Variants in ROR2 observed in about 807,000 individuals in gnomAD.
The protein encoded by ROR2 is ROR family WNT receptor 2.
Under a neutral mutation model 74.9 loss-of-function variants are expected in ROR2, and 33 were observed. The ratio of observed to expected loss-of-function variants is 0.44; its 90% CI spans 0.33 to 0.59. The LOEUF (loss-of-function observed/expected upper bound fraction) is 0.59, where lower values mean the gene tolerates loss of function less well. Among genes scored for constraint, ROR2 ranks in the 20% least tolerant of loss-of-function variants. ROR2 has a pLI of 0.02. For synonymous variants in ROR2, 586 were observed against 558.7 expected (o/e 1.05, Z -0.69); for missense variants, 1,216 against 1,313.8 (o/e 0.93, Z 1.15).
intron 7 of ROR2, 116 bp from the exon 8 acceptor site, chr9:91,726,859 C>A: frequency 1.1e-6 from 1 of 941,396 alleles, no homozygotes; most frequent in South Asian, 1.4e-5. Flanking sequence ...TGTGTCATCA[C>A]CTAAGTTACA....
intron 1 of ROR2, among the ~76,000 whole-genome samples, chr9:91,899,200 G>A (rs148272605): frequency 5.6e-4 from 86 of 152,340 alleles, no homozygotes; most frequent in African/African-American, 2.0e-3. Flanking sequence ...CAGAGCAGGA[G>A]TGTATCTTGG....
At chr9:91,760,228 C>G (rs1468480016) in intron 2 of ROR2, among the ~76,000 whole-genome samples, 1 of 152,230 alleles carries the variant, frequency 6.6e-6, no homozygotes, top group Non-Finnish European at 1.5e-5. Flanking sequence ...AAAACAAGCT[C>G]TATTCACTTC....
At chr9:91,725,293 C>T (rs1277676057) in intron 8 of ROR2, among the ~76,000 whole-genome samples, 186 bp from the exon 9 acceptor site, 5 of 152,080 alleles carry the variant, frequency 3.3e-5, no homozygotes, top group Non-Finnish European at 7.4e-5. Flanking sequence ...ACCTTAAATA[C>T]GGCTCTGATG....
chr9:91,862,738 C>G (rs1471974207), intron 1 of ROR2, among the ~76,000 whole-genome samples: 2 of 152,202 alleles, frequency 1.3e-5, no homozygotes, highest in Non-Finnish European at 2.9e-5. Flanking sequence ...AGCAAGAAGG[C>G]AGCCCTGAAA....
chr9:91,941,293 G>A (rs763842342), intron 1 of ROR2, among the ~76,000 whole-genome samples: 7 of 152,176 alleles, frequency 4.6e-5, no homozygotes, highest in African/African-American at 1.2e-4. Flanking sequence ...CACCGTGCCC[G>A]GCCTTAATTC....
chr9:91,765,228 A>G (rs953393402), intron 2 of ROR2, among the ~76,000 whole-genome samples: 2 of 152,242 alleles, frequency 1.3e-5, no homozygotes, highest in Admixed American at 6.5e-5. Flanking sequence ...AGCTGTGTGC[A>G]TCTACCCTGT....
At chr9:91,920,658 G>A (rs1831240260) in intron 1 of ROR2, among the ~76,000 whole-genome samples, 1 of 152,148 alleles carries the variant, frequency 6.6e-6, no homozygotes, top group South Asian at 2.1e-4. Context: ...GTGCTTCCAG[G>A]CACTTGGGAG....
chr9:91,902,937 C>T (rs1449963721), intron 1 of ROR2, among the ~76,000 whole-genome samples: 1 of 151,890 alleles, frequency 6.6e-6, no homozygotes, highest in African/African-American at 2.4e-5. Context: ...GAATCGGTGG[C>T]TGCCAGGGTC....
chr9:91,786,419 A>G (rs1435193417), intron 1 of ROR2, among the ~76,000 whole-genome samples: 1 of 152,152 alleles, frequency 6.6e-6, no homozygotes, highest in Admixed American at 6.6e-5. Context: ...CCAGAGTGGC[A>G]GAGTGATATC....
intron 1 of ROR2, among the ~76,000 whole-genome samples, chr9:91,885,517 G>T (rs1313230698): frequency 1.3e-5 from 2 of 152,186 alleles, no homozygotes; most frequent in East Asian, 3.9e-4. Flanking sequence ...CTCCCGCCTG[G>T]GCCTGCACCA....
chr9:91,731,363 C>T (rs1189518661), intron 6 of ROR2, among the ~76,000 whole-genome samples: 1 of 152,180 alleles, frequency 6.6e-6, no homozygotes, highest in Admixed American at 6.5e-5. Flanking sequence ...GGAAACTTGT[C>T]TAAAGTTATT....
intron 1 of ROR2, among the ~76,000 whole-genome samples, chr9:91,864,571 TCTGGCCAGGACTG>T: frequency 6.6e-6 from 1 of 152,246 alleles, no homozygotes; most frequent in South Asian, 2.1e-4. Context: ...GTGGAAGGCT[TCTGGCCAGGACTG>T]CAACACAAAT....
chr9:91,890,850 A>G (rs937638891), intron 1 of ROR2, among the ~76,000 whole-genome samples: 3 of 152,150 alleles, frequency 2.0e-5, no homozygotes, highest in Admixed American at 1.3e-4. Flanking sequence ...AACTAGGCCT[A>G]TTTTGCTAAT....
chr9:91,886,111 C>A (rs895421137), intron 1 of ROR2, among the ~76,000 whole-genome samples: 2 of 152,056 alleles, frequency 1.3e-5, no homozygotes, highest in Admixed American at 1.3e-4. Flanking sequence ...CTGACCTCAA[C>A]TGATCCACCC....
At chr9:91,914,107 G>A (rs1444716871) in intron 1 of ROR2, among the ~76,000 whole-genome samples, 2 of 152,114 alleles carry the variant, frequency 1.3e-5, no homozygotes, top group Non-Finnish European at 2.9e-5. Flanking sequence ...CCGCTGCCAA[G>A]TGCCAATGCC....
chr9:91,766,768 G>A (rs77697700), intron 2 of ROR2, among the ~76,000 whole-genome samples: 141 of 152,296 alleles, frequency 9.3e-4, no homozygotes, highest in African/African-American at 3.3e-3. Context: ...AGGCCAAAAG[G>A]AGCCAGGCAT....
chr9:91,863,729 T>C (rs1829544719), intron 1 of ROR2, among the ~76,000 whole-genome samples: 1 of 152,034 alleles, frequency 6.6e-6, no homozygotes, highest in Non-Finnish European at 1.5e-5. Context: ...GAAAGGAGAT[T>C]CGCAGATGGC....
At chr9:91,834,903 C>T (rs1828566933) in intron 1 of ROR2, among the ~76,000 whole-genome samples, 2 of 152,168 alleles carry the variant, frequency 1.3e-5, no homozygotes, top group Middle Eastern at 3.2e-3. Context: ...TCAAGTGAGA[C>T]CACTTTACAA....
intron 2 of ROR2, among the ~76,000 whole-genome samples, chr9:91,759,591 T>C (rs1825853798): frequency 6.6e-6 from 1 of 152,158 alleles, no homozygotes; most frequent in Non-Finnish European, 1.5e-5. Context: ...CATGTCTTTG[T>C]TTCTCTGTTG....
Sources: gnomAD v4.1 joint callset for allele counts (sites outside exome capture counted in the v4.1 genomes callset) on GRCh38, gnomAD v4.1.1 for gene constraint, MANE v1.5 for transcripts, NCBI Gene and HGNC (gene_info 2026-07-23, HGNC 2026-07-21) for gene names.